Variants in TSC2 observed in about 807,000 individuals in gnomAD.
TSC2 encodes TSC complex subunit 2.
In TSC2, 29 loss-of-function variants were observed where a neutral mutation model predicts 202.2. That is an observed-to-expected ratio of 0.14 (90% confidence interval 0.11 to 0.20). The LOEUF (loss-of-function observed/expected upper bound fraction) is 0.20, where lower values mean the gene tolerates loss of function less well. TSC2 is among the 10% of genes least tolerant of loss of function. TSC2 has a pLI of 1.00. For synonymous variants in TSC2, 1,349 were observed against 1,044.0 expected (o/e 1.29, Z -5.63); for missense variants, 2,429 against 2,420.0 (o/e 1.00, Z -0.08).
In TSC2 at chr16:2,088,060, T is replaced by C. The variant is rs1188751089; in HGVS notation, c.5081T>C (p.Leu1694Pro). Reference sequence around the variant, plus strand: ...CAAGTCTCCCCAGACATGGAGGGCCTTGTGGACACCAGCGTGGCCAAGATC... The same window carrying C: ...CAAGTCTCCCCAGACATGGAGGGCCCTGTGGACACCAGCGTGGCCAAGATC... The part of the protein sequence containing the change: ...SLQCRKDMEG[L>P]VDTSVAKIVS... Residue 1694 changes from leucine (L) to proline (P), a missense_variant, in exon 40 of 42, where the codon CTT (leucine) becomes CCT (proline). Leu to Pro is a moderately conservative substitution (Grantham distance 98, BLOSUM62 -3). Coordinates refer to ENST00000219476, the MANE Select transcript of TSC2 (RefSeq NM_000548.5). 6.2e-7 allele frequency: 1 copy of C among 1,612,688 alleles called. No homozygotes were observed. The highest frequency in any genetic ancestry group is 8.5e-7 in the Non-Finnish European group (1 of 1,179,974).
chr16:2,063,897 T>TGCCCACGCGTGCACAC (rs1285907756), intron 14 of TSC2: 1 of 382,156 alleles, frequency 2.6e-6, no homozygotes, highest in Admixed American at 3.7e-5. Context: ...CACGTGCACA[T>TGCCCACGCGTGCACAC]GCCCACGCGT....
In TSC2 at chr16:2,088,096, G is replaced by T. The variant is rs45517392; in HGVS notation, c.5117G>T (p.Arg1706Leu). ...DTSVAKIVSD[R>L]NLPFVARQMA... is the part of the protein sequence containing the mutation. ...AGCGTGGCCAAGATCGTGTCTGACC[G>T]CAACCTGCCCTTCGTGGCCCGCCAG... The change falls in exon 40 of 42, where the codon CGC (arginine) becomes CTC (leucine). Residue 1706 changes from arginine to leucine, a missense_variant. By Grantham distance (102) the Arg-to-Leu change is moderately radical (BLOSUM62 -2). Coordinates refer to ENST00000219476, the MANE Select transcript of TSC2 (RefSeq NM_000548.5). The T allele has an allele frequency of 1.2e-6, 2 of 1,612,878 alleles. No homozygotes were observed. The highest frequency in any genetic ancestry group is 2.2e-5 in the South Asian group (2 of 91,088).
At chr16:2,050,598 CTT>C (rs554452830) in intron 3 of TSC2, 112 bp downstream of exon 3, 15,795 of 452,480 alleles carry the variant, frequency 0.035, no homozygotes, top group East Asian at 0.046. Context: ...CTGGTTTGCA[CTT>C]TTTTTTTTTT....
rs2091287601 is a variant in TSC2, at chr16:2,088,943, T to C, written c.*333T>C. The C allele has an allele frequency of 6.0e-5, 22 of 364,012 alleles. No homozygotes were observed. In the South Asian group the frequency reaches 6.1e-4, roughly 10 times the overall value. The allele number at this position is 364,012 out of a possible 1,614,324, so 22.5% of individuals were successfully genotyped here. A position where few individuals can be genotyped will look rare whatever the true frequency, so the allele number is the denominator to read the frequency against. On this transcript the variant is annotated 3_prime_UTR_variant, in exon 42 of 42. Transcript: ENST00000219476. Reference sequence around the variant, plus strand: ...GGGAGCCAGCCCCCAGGAGGAGTCTTTTCCTCTAACCACCCTGGGGTCCTC... The same window carrying C: ...GGGAGCCAGCCCCCAGGAGGAGTCTCTTCCTCTAACCACCCTGGGGTCCTC...
Position 2,056,595 on chromosome 16 carries a change from G to C in TSC2, c.649-49G>C, listed in dbSNP as rs541227019. ...AGGAAGCCTGGGTGTCCTCTCCTGT[G>C]GGGAGGAGCTGGGGTAGGACGGGCG... is the stretch of plus-strand genomic sequence containing the variant. On this transcript the variant is annotated intron_variant, in intron 7 of 41. Transcript: ENST00000219476. 78 of 1,600,650 alleles carry C rather than the reference G, an allele frequency of 4.9e-5. 1 individual carries two copies. The South Asian group carries it at 6.8e-4, about 14-fold the overall frequency.
At chr16:2,084,018 CAG>C (rs759634884) in intron 33 of TSC2, among the ~76,000 whole-genome samples, 17 of 152,338 alleles carry the variant, frequency 1.1e-4, no homozygotes, top group Non-Finnish European at 1.9e-4. Context: ...CCTGTGGTCT[CAG>C]GGGATGCTGA....
At chr16:2,070,631 C>T (rs945271813) in intron 17 of TSC2, 53 bp downstream of exon 17, 1 of 1,611,620 alleles carries the variant, frequency 6.2e-7, no homozygotes, top group Non-Finnish European at 8.5e-7. Flanking sequence ...CCAGGTATCC[C>T]CGTCTCGGCA....
Position 2,086,277 on chromosome 16 carries a change from G to C in TSC2, c.4747G>C (p.Glu1583Gln), listed in dbSNP as rs886039446. 6.2e-7 allele frequency: 1 copy of C among 1,612,854 alleles called. No individual in the cohort carries two copies. Among genetic ancestry groups the C allele is most frequent in the Non-Finnish European group, 8.5e-7 (1 of 1,179,946 alleles). Reference sequence around the variant, plus strand: ...CCTGACGGGCCTGGGCCGGCTCATCGAGCTGAAGGACTGCCAGCCGGACAA... The same window carrying C: ...CCTGACGGGCCTGGGCCGGCTCATCCAGCTGAAGGACTGCCAGCCGGACAA... ...EFLTGLGRLI[E>Q]LKDCQPDKVY... The change falls in exon 37 of 42, where the codon GAG (glutamate) becomes CAG (glutamine). Residue 1583 changes from glutamate (E) to glutamine (Q), a missense_variant. By Grantham distance (29) the Glu-to-Gln change is conservative. Coordinates refer to ENST00000219476, the MANE Select transcript of TSC2 (RefSeq NM_000548.5).
intron 25 of TSC2, 103 bp downstream of exon 25, chr16:2,076,688 C>A: frequency 1.7e-6 from 2 of 1,165,210 alleles, no homozygotes; most frequent in Admixed American, 1.9e-5. Flanking sequence ...GGAAATGGGT[C>A]CTGTGTGCCC....
At chr16:2,056,949 G>C in intron 8 of TSC2, 156 bp from the exon 9 acceptor site, 1 of 1,372,254 alleles carries the variant, frequency 7.3e-7, no homozygotes, top group Non-Finnish European at 1.0e-6. Flanking sequence ...GTGGCATTTT[G>C]AGAACCCTGC....
At chr16:2,070,307 AGTCCTGGTG>A in intron 16 of TSC2, 140 bp from the exon 17 acceptor site, 1 of 1,350,408 alleles carries the variant, frequency 7.4e-7, no homozygotes, top group Non-Finnish European at 1.0e-6. Context: ...GTGGAGAGAG[AGTCCTGGTG>A]GTCCTGGGTT....
intron 32 of TSC2, 32 bp downstream of exon 32, chr16:2,082,536 C>T: frequency 1.2e-6 from 2 of 1,605,558 alleles, no homozygotes. Context: ...CGGTTGGCTG[C>T]AGAGCGCCAC....
At chr16:2,048,823 C>CA (rs767522979) in intron 2 of TSC2, 70 bp downstream of exon 2, 14 of 1,607,582 alleles carry the variant, frequency 8.7e-6, no homozygotes, top group Admixed American at 3.3e-5. Context: ...GGTCTTGCAC[C>CA]AGGTTCTGTG....
chr16:2,083,395 G>A (rs1014222533), intron 32 of TSC2: 5 of 545,482 alleles, frequency 9.2e-6, no homozygotes, highest in Admixed American at 2.6e-5. Context: ...GGCGGAGAGC[G>A]TCTTGCCCCT....
intron 24 of TSC2, 73 bp downstream of exon 24, chr16:2,076,243 C>A (rs767157036): frequency 6.2e-7 from 1 of 1,601,530 alleles, no homozygotes; most frequent in South Asian, 1.1e-5. Flanking sequence ...TGTCCATGGT[C>A]GGGCAGAGTG....
chr16:2,080,702 T>A (rs931937459), intron 30 of TSC2: 1 of 334,146 alleles, frequency 3.0e-6, no homozygotes, highest in Non-Finnish European at 5.7e-6. Flanking sequence ...GCCAGGATGG[T>A]CTCAATCTCC....
At chr16:2,077,562 T>G (rs762349867) in intron 25 of TSC2, 36 bp from the exon 26 acceptor site, 2 of 1,611,958 alleles carry the variant, frequency 1.2e-6, no homozygotes, top group East Asian at 2.2e-5. Context: ...GGAGCTGGGC[T>G]CTCTGGGGCG....
intron 30 of TSC2, chr16:2,080,692 G>T (rs543396270): frequency 8.4e-6 from 3 of 359,128 alleles, no homozygotes; most frequent in South Asian, 2.6e-5. Context: ...CACTGTGTTA[G>T]CCAGGATGGT....
intron 10 of TSC2, among the ~76,000 whole-genome samples, chr16:2,059,328 T>TTC (rs1015379802): frequency 2.0e-5 from 3 of 150,504 alleles, no homozygotes; most frequent in Non-Finnish European, 4.4e-5. Context: ...AAAGGCTTTT[T>TTC]TCTCTCTCTC....
Sources: gnomAD v4.1 joint callset for allele counts (sites outside exome capture counted in the v4.1 genomes callset) on GRCh38, gnomAD v4.1.1 for gene constraint, MANE v1.5 for transcripts, NCBI Gene and HGNC (gene_info 2026-07-23, HGNC 2026-07-21) for gene names.